Variants in RGS7 observed in about 807,000 individuals in gnomAD.
RGS7 encodes the protein regulator of G-protein signaling 7.
In RGS7, 27 loss-of-function variants were observed where a neutral mutation model predicts 81.1. That is an observed-to-expected ratio of 0.33 (90% CI 0.25 to 0.46). RGS7 has a LOEUF of 0.46. Ranked by LOEUF, RGS7 falls within the 20% of genes least tolerant of loss-of-function variation. The pLI, the probability that RGS7 is intolerant of heterozygous loss-of-function variation, is 1.00. For synonymous variants in RGS7, 208 were observed against 207.7 expected, an observed-to-expected ratio of 1.00 and a Z score of -0.01; for missense variants, 396 against 607.4, an observed-to-expected ratio of 0.65 and a Z score of 3.66.
chr1:241,068,224 T>TTGTGTGTGTG (rs71568983), intron 3 of RGS7, among the ~76,000 whole-genome samples: 1 of 55,826 alleles, frequency 1.8e-5, no homozygotes, highest in African/African-American at 6.2e-5. Context: ...TATCCATAAA[T>TTGTGTGTGTG]TGTGTGTGTG....
intron 7 of RGS7, 61 bp downstream of exon 7, chr1:240,869,994 C>G: frequency 2.3e-6 from 3 of 1,311,384 alleles, no homozygotes; most frequent in Non-Finnish European, 3.3e-6. Context: ...CCAGAAAAGG[C>G]TGTGGGCCTT....
At chr1:241,150,131 G>A (rs895824265) in intron 2 of RGS7, among the ~76,000 whole-genome samples, 2 of 152,098 alleles carry the variant, frequency 1.3e-5, no homozygotes, top group East Asian at 1.9e-4. Context: ...AGAGATCCTG[G>A]CTGCAACGTA....
chr1:241,126,186 T>C (rs1191360260), intron 2 of RGS7, among the ~76,000 whole-genome samples: 1 of 151,988 alleles, frequency 6.6e-6, no homozygotes, highest in Non-Finnish European at 1.5e-5. Flanking sequence ...GTTTCGCTCT[T>C]GTTGCCAGGC....
intron 2 of RGS7, among the ~76,000 whole-genome samples, chr1:241,108,534 CTTA>C (rs998024157): frequency 2.6e-5 from 4 of 152,102 alleles, no homozygotes; most frequent in African/African-American, 9.7e-5. Context: ...GAAAGAGTAA[CTTA>C]GGTTTCCAGA....
chr1:241,139,732 A>G (rs1027562569), intron 2 of RGS7, among the ~76,000 whole-genome samples: 3 of 152,148 alleles, frequency 2.0e-5, no homozygotes, highest in Non-Finnish European at 1.5e-5. Context: ...TTTGATTTGC[A>G]TTTCCCTAAC....
chr1:241,131,868 A>C (rs1392395051), intron 2 of RGS7, among the ~76,000 whole-genome samples: 1 of 152,218 alleles, frequency 6.6e-6, no homozygotes, highest in African/African-American at 2.4e-5. Context: ...AATCAAGCAA[A>C]GACTGAAAGA....
chr1:240,895,690 A>G (rs375313279), intron 6 of RGS7, among the ~76,000 whole-genome samples: 1 of 152,116 alleles, frequency 6.6e-6, no homozygotes, highest in Non-Finnish European at 1.5e-5. Context: ...TCTATCATTG[A>G]TGGACATTTG....
chr1:241,096,940 A>G (rs749259653), intron 3 of RGS7, among the ~76,000 whole-genome samples: 10 of 152,156 alleles, frequency 6.6e-5, no homozygotes, highest in African/African-American at 1.7e-4. Context: ...TCTAAAGGAG[A>G]TAAGTTCACC....
At chr1:240,895,621 C>T (rs1240163419) in intron 6 of RGS7, among the ~76,000 whole-genome samples, 1 of 152,152 alleles carries the variant, frequency 6.6e-6, no homozygotes, top group African/African-American at 2.4e-5. Context: ...ATGAACTCAT[C>T]CTTTTTTATG....
At chr1:241,174,211 C>A (rs1186583248) in intron 2 of RGS7, among the ~76,000 whole-genome samples, 1 of 152,176 alleles carries the variant, frequency 6.6e-6, no homozygotes, top group East Asian at 1.9e-4. Flanking sequence ...GGACAAGACC[C>A]AATTTTCTAC....
chr1:241,260,451 T>G (rs777064903), intron 2 of RGS7, among the ~76,000 whole-genome samples: 1 of 152,222 alleles, frequency 6.6e-6, no homozygotes, highest in Non-Finnish European at 1.5e-5. Context: ...GTCTTCAAAC[T>G]GGCACACCTG....
intron 4 of RGS7, among the ~76,000 whole-genome samples, chr1:240,954,444 G>T (rs1680028584): frequency 6.6e-6 from 1 of 152,054 alleles, no homozygotes; most frequent in African/African-American, 2.4e-5. Context: ...TACAGCATTT[G>T]AAAATCAATT....
At chr1:240,842,750 TCTTC>T (rs201266262) in intron 9 of RGS7, among the ~76,000 whole-genome samples, 2,308 of 152,214 alleles carry the variant, frequency 0.015, 61 homozygotes, top group African/African-American at 0.049. Flanking sequence ...TTTCTTTCTT[TCTTC>T]CTTCCTTCCT....
At chr1:240,944,303 T>TGC (rs1190809233) in intron 4 of RGS7, among the ~76,000 whole-genome samples, 1 of 119,370 alleles carries the variant, frequency 8.4e-6, no homozygotes, top group Non-Finnish European at 1.8e-5. Context: ...TATATATATA[T>TGC]ATATATATAT....
rs189594281 is a variant in RGS7 at position 241,109,907 on chromosome 1, G to A, written c.79-11145C>T. On this transcript the variant is annotated intron_variant, in intron 2 of 18. Transcript: ENST00000440928. ...CAGGAGGCAGAGGTTGCAGTGAGCC[G>A]AGATTATGCCACTGCACTCCAGTCT... Among the ~76,000 whole-genome samples the A allele has an allele frequency of 8.1e-3, 1,234 of 152,086 alleles. 23 individuals carry two copies. Among genetic ancestry groups the A allele is most frequent in the African/African-American group, 0.025 (1,045 of 41,522 alleles).
chr1:241,246,558 A>G (rs2076559066), intron 2 of RGS7, among the ~76,000 whole-genome samples: 2 of 152,188 alleles, frequency 1.3e-5, no homozygotes, highest in Non-Finnish European at 2.9e-5. Context: ...TGAAAAGAAC[A>G]CAGCTTCCTC....
chr1:241,105,733 T>C (rs1313870182), intron 2 of RGS7, among the ~76,000 whole-genome samples: 4 of 152,252 alleles, frequency 2.6e-5, no homozygotes, highest in African/African-American at 9.6e-5. Flanking sequence ...ACCATGACTG[T>C]AGGCAAAACA....
In RGS7 at chr1:241,076,479, C is replaced by T. The variant is rs12085857; in HGVS notation, c.175+22187G>A. ...TCACTCGGAGCAATCTCTGAACAGA[C>T]GATCTGAAGCTAGATATACAACATT... On this transcript the variant is annotated intron_variant, in intron 3 of 18. Transcript: ENST00000440928. 1.0e-2 allele frequency among the ~76,000 whole-genome samples: 1,522 copies of T among 152,224 alleles called. 22 individuals are homozygous for T. The highest frequency in any genetic ancestry group is 0.034 in the African/African-American group (1,428 of 41,536).
At chr1:241,272,973 C>A (rs1463006895) in intron 2 of RGS7, among the ~76,000 whole-genome samples, 3 of 151,830 alleles carry the variant, frequency 2.0e-5, no homozygotes, top group African/African-American at 7.3e-5. Context: ...TTCTGCTGAT[C>A]TTTAACATAT....
Sources: gnomAD v4.1 joint callset for allele counts (sites outside exome capture counted in the v4.1 genomes callset) on GRCh38, gnomAD v4.1.1 for gene constraint, MANE v1.5 for transcripts, NCBI Gene and HGNC (gene_info 2026-07-23, HGNC 2026-07-21) for gene names.